The following KRIT1 variants were observed in gnomAD, a reference collection of about 807,000 sequenced individuals.
KRIT1 encodes KRIT1 ankyrin repeat containing, also known as krev interaction trapped protein 1.
Under a neutral mutation model 95.8 loss-of-function variants are expected in KRIT1, and 45 were observed. That is an observed-to-expected ratio of 0.47 (90% CI 0.37 to 0.60). KRIT1 has a LOEUF of 0.60. Ranked by LOEUF, KRIT1 falls within the 20% of genes least tolerant of loss-of-function variation. KRIT1 has a pLI of 0.00. For synonymous variants in KRIT1, 282 were observed against 278.8 expected, an observed-to-expected ratio of 1.01 and a Z score of -0.11; for missense variants, 788 against 877.5, an observed-to-expected ratio of 0.90 and a Z score of 1.29.
chr7:92,232,772 C>T (rs895420369), intron 10 of KRIT1, among the ~76,000 whole-genome samples: 1 of 152,082 alleles, frequency 6.6e-6, no homozygotes, highest in Non-Finnish European at 1.5e-5. Flanking sequence ...CAGCTCACTG[C>T]AAGCTCCGCC....
rs1170752526 is a variant in KRIT1 at position 92,213,309 on chromosome 7, T to C, written c.1911A>G (p.Ala637=). 1 of 1,613,556 alleles carries C rather than the reference T, an allele frequency of 6.2e-7. No individual in the cohort carries two copies. The highest frequency in any genetic ancestry group is 1.1e-5 in the South Asian group (1 of 91,054). Reference sequence around the variant, plus strand: ...TAAATATCTGTCCTGTGAAAAATGCTGCTCCATAAGTAGGAATTTCCCAGC... The same window carrying C: ...TAAATATCTGTCCTGTGAAAAATGCCGCTCCATAAGTAGGAATTTCCCAGC... ...QNCWEIPTYG[A]AFFTGQIFTK... Residue 637 remains alanine (A), a synonymous_variant, in exon 17 of 19, where the codon GCA becomes GCG. Transcript: ENST00000394505.
intron 5 of KRIT1, among the ~76,000 whole-genome samples, chr7:92,238,926 G>A (rs1376875809): frequency 6.6e-6 from 1 of 152,152 alleles, no homozygotes; most frequent in Non-Finnish European, 1.5e-5. Flanking sequence ...ATGGTGCTTT[G>A]TAAATGACAT....
At chr7:92,209,162 C>G (rs568877296) in intron 17 of KRIT1, among the ~76,000 whole-genome samples, 24 of 151,126 alleles carry the variant, frequency 1.6e-4, no homozygotes, top group Non-Finnish European at 2.7e-4. Context: ...AAAAAAAAAA[C>G]CTCTCAGCGA....
At chr7:92,237,865 G>A (rs1798755091) in intron 5 of KRIT1, 106 bp from the exon 6 acceptor site, 6 of 676,978 alleles carry the variant, frequency 8.9e-6, no homozygotes, top group Non-Finnish European at 1.6e-5. Context: ...GCATTAAGAG[G>A]AACTGAAATA....
intron 11 of KRIT1, 79 bp downstream of exon 11, chr7:92,226,447 A>G (rs1281007908): frequency 6.4e-6 from 7 of 1,089,362 alleles, no homozygotes; most frequent in Non-Finnish European, 9.9e-6. Context: ...ACTCTCAAAC[A>G]TACAATTTAA....
At chr7:92,228,246 C>T (rs1022203967) in intron 10 of KRIT1, among the ~76,000 whole-genome samples, 3 of 152,180 alleles carry the variant, frequency 2.0e-5, no homozygotes, top group African/African-American at 7.2e-5. Context: ...GCAAAGGTCT[C>T]AGAAGAGTAC....
At chr7:92,209,913 G>GA (rs966044837) in intron 17 of KRIT1, among the ~76,000 whole-genome samples, 54 of 147,624 alleles carry the variant, frequency 3.7e-4, no homozygotes, top group African/African-American at 1.2e-3. Flanking sequence ...AAATACAAAA[G>GA]AAAAAAAAAA....
intron 12 of KRIT1, among the ~76,000 whole-genome samples, chr7:92,225,397 T>C (rs1272799256): frequency 6.6e-6 from 1 of 152,116 alleles, no homozygotes; most frequent in African/African-American, 2.4e-5. Flanking sequence ...AACCTCCACC[T>C]CCTGGGTTCA....
chr7:92,210,457 G>A (rs1792551447), intron 17 of KRIT1, among the ~76,000 whole-genome samples: 1 of 152,140 alleles, frequency 6.6e-6, no homozygotes, highest in African/African-American at 2.4e-5. Context: ...TCAATAAATG[G>A]TGTTGGAAAA....
rs554651908 is a variant in KRIT1, at chr7:92,233,375, G to A, written c.989+1074C>T. ...CTCAATCTAATACAACTAAGACACTGTGGACATTTAACAAGGCAATAAATA... is the reference window on the plus strand; with the variant it reads ...CTCAATCTAATACAACTAAGACACTATGGACATTTAACAAGGCAATAAATA... On this transcript the variant is annotated intron_variant, in intron 10 of 18. Coordinates refer to ENST00000394505, the MANE Select transcript of KRIT1 (RefSeq NM_194454.3). 2.0e-5 allele frequency among the ~76,000 whole-genome samples: 3 copies of A among 150,984 alleles called. No individual in the cohort carries two copies. In the South Asian group the frequency reaches 6.3e-4, roughly 32 times the overall value.
intron 13 of KRIT1, 29 bp downstream of exon 13, chr7:92,222,793 T>A (rs1275744378): frequency 7.2e-7 from 1 of 1,396,350 alleles, no homozygotes; most frequent in Admixed American, 1.7e-5. Flanking sequence ...ATAATGAGGT[T>A]TACTATAACA....
At chr7:92,239,764 G>A (rs1010869583) in intron 5 of KRIT1, among the ~76,000 whole-genome samples, 2 of 147,758 alleles carry the variant, frequency 1.4e-5, no homozygotes, top group African/African-American at 2.5e-5. Flanking sequence ...AGGCTAGAGT[G>A]CAGTGGCACA....
In KRIT1 at chr7:92,222,953, A is replaced by G. The variant is rs138326046; in HGVS notation, c.1280T>C (p.Met427Thr). 6 of 1,610,126 alleles carry G rather than the reference A, an allele frequency of 3.7e-6. No individual in the cohort carries two copies. The highest frequency in any genetic ancestry group is 5.1e-6 in the Non-Finnish European group (6 of 1,176,824). The change falls in exon 13 of 19, where the codon ATG becomes ACG. Residue 427 changes from methionine (M) to threonine (T), a missense_variant. Met to Thr is a moderately conservative substitution (Grantham distance 81). This residue lies in a region of KRIT1 where 493 missense variants were observed against 582.3 expected (regional missense o/e 0.85). Transcript: ENST00000394505. ...KPYEKVRIYR[M>T]DGSYRSVELK... The stretch of plus-strand genomic sequence containing the variant: ...TTCAACAGAACGATATGACCCATCC[A>G]TTCTGTATATTCGAACTTTTTCATA...
Position 92,215,634 on chromosome 7 carries a change from T to TTTTATTTTGAATTTATAAAAATTCAAAA in KRIT1, c.1564-858_1564-857insTTTTGAATTTTTATAAATTCAAAATAAA, listed in dbSNP as rs747693649. 5.2e-3 allele frequency among the ~76,000 whole-genome samples: 787 copies of TTTTATTTTGAATTTATAAAAATTCAAAA among 152,258 alleles called. 3 individuals are homozygous for TTTTATTTTGAATTTATAAAAATTCAAAA. The highest frequency in any genetic ancestry group is 7.8e-3 in the Non-Finnish European group (532 of 68,012). On this transcript the variant is annotated intron_variant, in intron 14 of 18. Transcript: ENST00000394505. The stretch of plus-strand genomic sequence containing the variant: ...AGAGGTGTGCAACACCATGCCTGGC[T>TTTTATTTTGAATTTATAAAAATTCAAAA]AATTTTTAAATTTTTTGAAGACAGA...
Position 92,237,673 on chromosome 7 carries a change from C to A in KRIT1, c.349G>T (p.Val117Phe). 1 of 1,587,522 alleles carries A rather than the reference C, an allele frequency of 6.3e-7. No homozygotes were observed. The highest frequency in any genetic ancestry group is 8.6e-7 in the Non-Finnish European group (1 of 1,156,134). ...AGATACATTTAGACTTTACCTTTGACAACTGATGGAACAATAAATAATGAT... is the reference window on the plus strand; with the variant it reads ...AGATACATTTAGACTTTACCTTTGAAAACTGATGGAACAATAAATAATGAT... ...EASLFIVPSVVKDNTKYTYTP... is the reference protein window; with the variant it reads ...EASLFIVPSVFKDNTKYTYTP... Residue 117 changes from valine (V) to phenylalanine (F), a missense_variant, in exon 6 of 19, where the codon GTC becomes TTC. Val to Phe is a conservative substitution (Grantham distance 50). Coordinates refer to ENST00000394505, the MANE Select transcript of KRIT1 (RefSeq NM_194454.3).
intron 18 of KRIT1, 104 bp from the exon 19 acceptor site, chr7:92,200,908 T>G (rs1789991704): frequency 1.0e-5 from 8 of 793,118 alleles, no homozygotes; most frequent in Non-Finnish European, 1.7e-5. Context: ...GGGAACTTTC[T>G]TATCAGGAGA....
chr7:92,231,895 T>G (rs1797378686), intron 10 of KRIT1, among the ~76,000 whole-genome samples: 1 of 152,176 alleles, frequency 6.6e-6, no homozygotes, highest in East Asian at 1.9e-4. Context: ...AATTTTAGAT[T>G]CAGACATCAA....
intron 8 of KRIT1, 28 bp from the exon 9 acceptor site, chr7:92,234,951 C>A: frequency 1.0e-6 from 1 of 992,708 alleles, no homozygotes; most frequent in Non-Finnish European, 1.6e-6. Context: ...TAACAAAAAC[C>A]CATTAAGAGC....
In KRIT1 at chr7:92,200,629, G is replaced by C; in HGVS notation, c.*107C>G. The stretch of plus-strand genomic sequence containing the variant: ...AGCCTCCCAAAGTGCTGGAATTACA[G>C]GGGTGAGCCACCATGCTCGGCCAAA... On this transcript the variant is annotated 3_prime_UTR_variant, in exon 19 of 19. Transcript: ENST00000394505. 1 of 769,736 alleles carries C rather than the reference G, an allele frequency of 1.3e-6. No individual in the cohort carries two copies. Among genetic ancestry groups the C allele is most frequent in the South Asian group, 1.4e-5 (1 of 69,124 alleles). The allele number at this position is 769,736 out of a possible 1,614,324, so 47.7% of individuals were successfully genotyped here.
Sources: allele counts gnomAD v4.1 joint callset (sites outside exome capture counted in the v4.1 genomes callset), GRCh38; gene constraint gnomAD v4.1.1; regional missense constraint gnomAD v4.1.1; transcripts MANE v1.5; gene names NCBI Gene and HGNC (gene_info 2026-07-23, HGNC 2026-07-21).